RNF214: variants seen among roughly 807,000 people sequenced by gnomAD.
The protein encoded by RNF214 is ring finger protein 214.
In RNF214, 25 loss-of-function variants were observed where a neutral mutation model predicts 75.9. That is an observed-to-expected ratio of 0.33 (90% CI 0.24 to 0.46). The LOEUF (loss-of-function observed/expected upper bound fraction) is 0.46, where lower values mean the gene tolerates loss of function less well. RNF214 is among the 20% of genes least tolerant of loss of function. The pLI is 1.00. For synonymous variants in RNF214, 314 were observed against 308.8 expected (o/e 1.02, Z -0.18); for missense variants, 725 against 857.5 (o/e 0.85, Z 1.93).
At position 117,285,343 on chromosome 11, in the gene RNF214, C is replaced by T. The variant is rs922820472; in HGVS notation, c.*192C>T. The T allele has an allele frequency of 1.5e-5, 7 of 462,114 alleles. No individual in the cohort carries two copies. The highest frequency in any genetic ancestry group is 1.2e-4 in the African/African-American group (6 of 49,556). The allele number at this position is 462,114 out of a possible 1,614,324, so 28.6% of individuals were successfully genotyped here. On this transcript the variant is annotated 3_prime_UTR_variant, in exon 15 of 15. Coordinates refer to ENST00000300650, the MANE Select transcript of RNF214 (RefSeq NM_207343.4). ...TGAAACTATGTATATTATGCAGAAA[C>T]AGTCTGTTCCCCCTCATCTTGCAAT...
rs1325149109 is a variant in RNF214, at chr11:117,285,603, C to T, written c.*452C>T. Reference sequence around the variant, plus strand: ...CTGTCCAACCAGATGCCTTGCTTACCGAAAGCCTCCAGAAGCCTCAGTATT... The same window carrying T: ...CTGTCCAACCAGATGCCTTGCTTACTGAAAGCCTCCAGAAGCCTCAGTATT... On this transcript the variant is annotated 3_prime_UTR_variant, in exon 15 of 15. Transcript: ENST00000300650. 1 of 153,356 alleles carries T rather than the reference C, an allele frequency of 6.5e-6. No homozygotes were observed. Among genetic ancestry groups the T allele is most frequent in the Non-Finnish European group, 1.5e-5 (1 of 68,732 alleles). The allele number at this position is 153,356 out of a possible 1,614,324, so 9.5% of individuals were successfully genotyped here.
chr11:117,255,272 T>C (rs1191997813), intron 6 of RNF214, among the ~76,000 whole-genome samples: 1 of 152,184 alleles, frequency 6.6e-6, no homozygotes, highest in Non-Finnish European at 1.5e-5. Flanking sequence ...CCTTTCTTCC[T>C]GTCCTTGTAT....
intron 6 of RNF214, among the ~76,000 whole-genome samples, 155 bp from the exon 7 acceptor site, chr11:117,279,753 A>G (rs2034089752): frequency 6.6e-6 from 1 of 152,274 alleles, no homozygotes; most frequent in South Asian, 2.1e-4. Context: ...TTAGCAAAGA[A>G]TAAAGAAGAA....
chr11:117,264,504 C>T (rs1196913818), intron 6 of RNF214, among the ~76,000 whole-genome samples: 2 of 151,998 alleles, frequency 1.3e-5, no homozygotes, highest in East Asian at 3.9e-4. Flanking sequence ...GATACACCTA[C>T]TATGTACCCA....
intron 6 of RNF214, among the ~76,000 whole-genome samples, chr11:117,248,110 C>T (rs568483501): frequency 6.6e-6 from 1 of 152,066 alleles, no homozygotes; most frequent in African/African-American, 2.4e-5. Context: ...GAGTCTTGCT[C>T]TGTTCCCCAG....
chr11:117,279,877 T>C, intron 6 of RNF214, 31 bp from the exon 7 acceptor site: 1 of 1,533,210 alleles, frequency 6.5e-7, no homozygotes, highest in South Asian at 1.2e-5. Flanking sequence ...TCTTTCTTCC[T>C]TAGTCTTGTT....
intron 14 of RNF214, among the ~76,000 whole-genome samples, chr11:117,284,062 G>C (rs1158698257): frequency 2.0e-5 from 3 of 152,106 alleles, no homozygotes; most frequent in Non-Finnish European, 4.4e-5. Flanking sequence ...TTCCCTTCAG[G>C]GGACTGGATA....
At position 117,279,965 on chromosome 11, in the gene RNF214, G is replaced by T. The variant is rs777749135; in HGVS notation, c.1017G>T (p.Arg339Ser). 5 of 1,613,540 alleles carry T rather than the reference G, an allele frequency of 3.1e-6. No homozygotes were observed. In the South Asian group the frequency reaches 4.4e-5, roughly 14 times the overall value. The change falls in exon 7 of 15, where the codon AGG becomes AGT. Residue 339 changes from arginine (R) to serine (S), a missense_variant. By Grantham distance (110) the Arg-to-Ser change is moderately radical (BLOSUM62 -1). Around this residue, in one of 2 missense-constraint regions of RNF214, gnomAD observed 363 missense variants for 513.0 expected, o/e 0.71. Transcript: ENST00000300650. Reference protein sequence around the residue: ...RLKNQDGEINRNIMEETERAW... With the variant: ...RLKNQDGEINSNIMEETERAW... ...AGAATCAGGATGGCGAAATAAATAG[G>T]AACATTATGGAAGAGACTGAACGGG...
chr11:117,236,718 T>G (rs922243168), intron 2 of RNF214, among the ~76,000 whole-genome samples: 1 of 152,242 alleles, frequency 6.6e-6, no homozygotes, highest in Non-Finnish European at 1.5e-5. Context: ...GTGAGGAAAC[T>G]GAGACACAGA....
At chr11:117,281,742 T>G in intron 10 of RNF214, 44 bp downstream of exon 10, 1 of 1,537,582 alleles carries the variant, frequency 6.5e-7, no homozygotes, top group Non-Finnish European at 9.0e-7. Context: ...TCTGTGTTGG[T>G]AGCAGCAGCA....
chr11:117,272,141 A>C (rs1403072697), intron 6 of RNF214, among the ~76,000 whole-genome samples: 1 of 152,060 alleles, frequency 6.6e-6, no homozygotes, highest in Non-Finnish European at 1.5e-5. Flanking sequence ...CAGGAGAATC[A>C]CTAGAGCCCA....
At chr11:117,260,643 T>C (rs1165812072) in intron 6 of RNF214, among the ~76,000 whole-genome samples, 1 of 144,234 alleles carries the variant, frequency 6.9e-6, no homozygotes, top group Non-Finnish European at 1.5e-5. Context: ...TATTTCTTTT[T>C]TTTTTTTCTT....
At chr11:117,271,075 T>C (rs914234612) in intron 6 of RNF214, among the ~76,000 whole-genome samples, 1 of 152,068 alleles carries the variant, frequency 6.6e-6, no homozygotes, top group Non-Finnish European at 1.5e-5. Context: ...AATTTTTGTA[T>C]TTTTAGTAGA....
At chr11:117,282,339 G>A (rs551442792) in intron 11 of RNF214, 65 bp from the exon 12 acceptor site, 1 of 1,594,652 alleles carries the variant, frequency 6.3e-7, no homozygotes, top group Admixed American at 1.7e-5. Flanking sequence ...AACAGAGGAG[G>A]TTACATGGGT....
intron 6 of RNF214, among the ~76,000 whole-genome samples, chr11:117,259,272 G>T (rs779343192): frequency 4.6e-5 from 7 of 152,118 alleles, no homozygotes; most frequent in Non-Finnish European, 1.0e-4. Flanking sequence ...GTTGAATAGT[G>T]TTCCTCTTAC....
intron 2 of RNF214, among the ~76,000 whole-genome samples, chr11:117,236,869 T>G (rs183837741): frequency 0.01 from 1,542 of 152,304 alleles, 23 homozygotes; most frequent in African/African-American, 0.033. Context: ...ACTGAGTACT[T>G]TATGTGCATT....
At chr11:117,260,072 C>A (rs978336193) in intron 6 of RNF214, among the ~76,000 whole-genome samples, 1 of 150,752 alleles carries the variant, frequency 6.6e-6, no homozygotes, top group African/African-American at 2.4e-5. Flanking sequence ...ATCTCAAATT[C>A]TTTGATTTTT....
intron 6 of RNF214, among the ~76,000 whole-genome samples, chr11:117,247,790 G>A (rs992935472): frequency 2.0e-5 from 3 of 151,344 alleles, no homozygotes; most frequent in Admixed American, 6.6e-5. Flanking sequence ...GGCAGGAGGC[G>A]GAGGTTGCAG....
chr11:117,282,710 T>G (rs368062126), intron 12 of RNF214, 36 bp from the exon 13 acceptor site: 1 of 1,587,782 alleles, frequency 6.3e-7, no homozygotes, highest in Non-Finnish European at 8.6e-7. Flanking sequence ...TTACTCAGAC[T>G]CTCTTCCCTT....
Sources: gnomAD v4.1 joint callset for allele counts (sites outside exome capture counted in the v4.1 genomes callset) on GRCh38, gnomAD v4.1.1 for gene constraint, gnomAD v4.1.1 regional missense constraint, MANE v1.5 for transcripts, NCBI Gene and HGNC (gene_info 2026-07-23, HGNC 2026-07-21) for gene names.